The following DDX4 variants were observed in gnomAD, a reference collection of about 807,000 sequenced individuals.
DDX4 encodes the protein DEAD-box helicase 4, also known as probable ATP-dependent RNA helicase DDX4.
A neutral mutation model predicts 100.0 loss-of-function variants in DDX4; 25 were observed. The ratio of observed to expected loss-of-function variants is 0.25; its 90% CI spans 0.18 to 0.35. The LOEUF (loss-of-function observed/expected upper bound fraction) is 0.35. Ranked by LOEUF, DDX4 falls within the 10% of genes least tolerant of loss-of-function variation. DDX4 has a pLI of 1.00. For synonymous variants in DDX4, 259 were observed against 275.7 expected (o/e 0.94, Z 0.60); for missense variants, 635 against 882.4 (o/e 0.72, Z 3.55).
chr5:55,781,770 T>TG (rs998472842), intron 9 of DDX4, among the ~76,000 whole-genome samples, 164 bp from the exon 10 acceptor site: 1 of 143,532 alleles, frequency 7.0e-6, no homozygotes, highest in African/African-American at 2.6e-5. Context: ...GAGTGAGACT[T>TG]GAAAAAAAAA....
At chr5:55,789,010 G>C (rs1742398080) in intron 15 of DDX4, among the ~76,000 whole-genome samples, 1 of 152,130 alleles carries the variant, frequency 6.6e-6, no homozygotes, top group Non-Finnish European at 1.5e-5. Flanking sequence ...GCAGTGAGCT[G>C]TGATTGCGCC....
chr5:55,763,254 T>G lies in DDX4; in HGVS notation c.283+2T>G. ...TTGGAAAGAGTTTTGGAAACAGAGG[T>G]AATTACTTGGTTATGATATCTTACA... is the stretch of plus-strand genomic sequence containing the variant. On this transcript the variant is annotated splice_donor_variant, in intron 5 of 21. Coordinates refer to ENST00000505374, the MANE Select transcript of DDX4 (RefSeq NM_024415.3). LOFTEE classifies it high-confidence loss of function. 6.3e-7 allele frequency: 1 copy of G among 1,585,064 alleles called. No homozygotes were observed. Among genetic ancestry groups the G allele is most frequent in the Admixed American group, 1.7e-5 (1 of 59,932 alleles).
intron 8 of DDX4, 109 bp from the exon 9 acceptor site, chr5:55,780,957 C>T: frequency 3.6e-6 from 3 of 840,426 alleles, no homozygotes; most frequent in South Asian, 2.0e-5. Context: ...TCTATTTTAC[C>T]CTGCATCTTT....
chr5:55,788,967 T>C (rs1260693854), intron 15 of DDX4, among the ~76,000 whole-genome samples: 1 of 151,892 alleles, frequency 6.6e-6, no homozygotes, highest in Non-Finnish European at 1.5e-5. Flanking sequence ...CTTGGGAGCC[T>C]GAGAGATTAC....
At chr5:55,792,123 C>CAAA (rs35635463) in intron 16 of DDX4, among the ~76,000 whole-genome samples, 27 of 52,020 alleles carry the variant, frequency 5.2e-4, no homozygotes, top group South Asian at 2.0e-3. Flanking sequence ...GACTCCTTCT[C>CAAA]AAAAAAAAAA....
intron 3 of DDX4, among the ~76,000 whole-genome samples, chr5:55,752,518 A>C (rs1052115285): frequency 8.2e-5 from 12 of 146,064 alleles, no homozygotes; most frequent in African/African-American, 2.1e-4. Context: ...TGAACTCATC[A>C]TTTTTTATGG....
Position 55,788,803 on chromosome 5 carries a change from C to A in DDX4, c.1172+803C>A, listed in dbSNP as rs76201156. Among the ~76,000 whole-genome samples, 646 of 152,168 alleles carry A rather than the reference C, an allele frequency of 4.2e-3. 17 individuals carry two copies. The East Asian group carries it at 0.097, about 23-fold the overall frequency. On this transcript the variant is annotated intron_variant, in intron 15 of 21. Transcript: ENST00000505374. ...TGTTTTGGCCAGATATGATGTCTTACACCTGTAATCCTAGCACTTTGGGAG... is the reference window on the plus strand; with the variant it reads ...TGTTTTGGCCAGATATGATGTCTTAAACCTGTAATCCTAGCACTTTGGGAG...
Position 55,787,951 on chromosome 5 carries a change from C to A in DDX4, c.1123C>A (p.Arg375=). ...AGAGTGTATTATTGTAGCACCAACT[C>A]GAGAATTGGTCAACCAGATTTATTT... The part of the protein sequence containing the change: ...EPECIIVAPT[R]ELVNQIYLEA... The change falls in exon 15 of 22, where the codon CGA becomes AGA. Residue 375 remains arginine (R), a synonymous_variant. Coordinates refer to ENST00000505374, the MANE Select transcript of DDX4 (RefSeq NM_024415.3). The A allele has an allele frequency of 6.2e-7, 1 of 1,613,620 alleles. No homozygotes were observed. Among genetic ancestry groups the A allele is most frequent in the Admixed American group, 1.7e-5 (1 of 59,960 alleles).
At chr5:55,767,016 A>G (rs566118415) in intron 6 of DDX4, 2 of 1,500,310 alleles carry the variant, frequency 1.3e-6, no homozygotes, top group African/African-American at 2.8e-5. Context: ...CTACTATTTT[A>G]AAACTCTGGG....
In DDX4 at chr5:55,762,087, T is replaced by C. The variant is rs536785231; in HGVS notation, c.206-1088T>C. ...CTTTGAAATCTGATTAAAATACTTT[T>C]ATAGTTGGGCATACACAATTTTACA... On this transcript the variant is annotated intron_variant, in intron 4 of 21. Transcript: ENST00000505374. Among the ~76,000 whole-genome samples, 3 of 152,334 alleles carry C rather than the reference T, an allele frequency of 2.0e-5. No individual in the cohort carries two copies. In the South Asian group the frequency reaches 6.2e-4, roughly 32 times the overall value.
chr5:55,789,472 T>C (rs1226470883), intron 15 of DDX4, among the ~76,000 whole-genome samples: 1 of 152,198 alleles, frequency 6.6e-6, no homozygotes, highest in Admixed American at 6.5e-5. Context: ...GGATGCATGA[T>C]TAAATGGCAC....
At chr5:55,780,247 T>A (rs1741826522) in intron 8 of DDX4, among the ~76,000 whole-genome samples, 182 bp downstream of exon 8, 1 of 152,216 alleles carries the variant, frequency 6.6e-6, no homozygotes, top group African/African-American at 2.4e-5. Flanking sequence ...TGATTGCATA[T>A]TGGTTAAGTT....
At chr5:55,804,340 G>C (rs1213874022) in intron 18 of DDX4, among the ~76,000 whole-genome samples, 1 of 151,140 alleles carries the variant, frequency 6.6e-6, no homozygotes, top group Non-Finnish European at 1.5e-5. Flanking sequence ...GATCCCATTT[G>C]TCAATTTTGG....
At chr5:55,746,249 C>A in intron 3 of DDX4, 28 bp downstream of exon 3, 1 of 1,588,540 alleles carries the variant, frequency 6.3e-7, no homozygotes, top group Non-Finnish European at 8.6e-7. Context: ...AAGGTAAAAC[C>A]CTTTTTAGTT....
intron 6 of DDX4, among the ~76,000 whole-genome samples, chr5:55,764,583 G>A (rs1372937218): frequency 2.0e-5 from 3 of 152,140 alleles, no homozygotes; most frequent in Non-Finnish European, 4.4e-5. Flanking sequence ...ATCTGATTGA[G>A]TCGATTTGGG....
Position 55,738,950 on chromosome 5 carries a change from A to G in DDX4, c.-14A>G. The G allele has an allele frequency of 1.3e-6, 2 of 1,555,612 alleles. No individual in the cohort carries two copies. Among genetic ancestry groups the G allele is most frequent in the Non-Finnish European group, 1.8e-6 (2 of 1,130,078 alleles). On this transcript the variant is annotated splice_region_variant and 5_prime_UTR_variant, in exon 2 of 22. Transcript: ENST00000505374. Reference sequence around the variant, plus strand: ...TGCATTTTTTTTTTTTTATGAATAGAACTTGAAGCCACCATGGGAGATGAA... The same window carrying G: ...TGCATTTTTTTTTTTTTATGAATAGGACTTGAAGCCACCATGGGAGATGAA...
intron 15 of DDX4, among the ~76,000 whole-genome samples, chr5:55,789,624 G>C (rs1030675605): frequency 6.6e-6 from 1 of 152,306 alleles, no homozygotes; most frequent in East Asian, 1.9e-4. Context: ...CCCCACTCAG[G>C]AGTGGCTATA....
At chr5:55,750,191 CT>C (rs1759468452) in intron 3 of DDX4, 1 of 156,976 alleles carries the variant, frequency 6.4e-6, no homozygotes, top group Admixed American at 6.6e-5. Context: ...GCACATTTCA[CT>C]TTTCTTCACA....
intron 4 of DDX4, 30 bp from the exon 5 acceptor site, chr5:55,763,145 T>TA (rs748639486): frequency 7.1e-7 from 1 of 1,418,290 alleles, no homozygotes; most frequent in Non-Finnish European, 9.9e-7. Flanking sequence ...TTTTATATGT[T>TA]AAAGAGTTTA....
Sources: gnomAD v4.1 joint callset for allele counts (sites outside exome capture counted in the v4.1 genomes callset) on GRCh38, gnomAD v4.1.1 for gene constraint, MANE v1.5 for transcripts, NCBI Gene and HGNC (gene_info 2026-07-23, HGNC 2026-07-21) for gene names.